The following MAGI2 variants were observed in gnomAD, a reference collection of about 807,000 sequenced individuals.
The protein encoded by MAGI2 is membrane-associated guanylate kinase, WW and PDZ domain-containing protein 2.
A neutral mutation model predicts 133.3 loss-of-function variants in MAGI2; 35 were observed. That is an observed-to-expected ratio of 0.26 (90% CI 0.20 to 0.35). The LOEUF is 0.35. Among genes scored for constraint, MAGI2 ranks in the 10% least tolerant of loss-of-function variants. The probability of loss-of-function intolerance (pLI) is 1.00; values close to 1 mark genes in which losing one functional copy is unlikely to be tolerated. For synonymous variants in MAGI2, 729 were observed against 710.6 expected, an observed-to-expected ratio of 1.03 and a Z score of -0.41; for missense variants, 1,636 against 1,863.4, an observed-to-expected ratio of 0.88 and a Z score of 2.25.
chr7:78,808,392 G>T (rs918019921), intron 2 of MAGI2, among the ~76,000 whole-genome samples: 18 of 152,068 alleles, frequency 1.2e-4, no homozygotes, highest in African/African-American at 4.3e-4. Context: ...AAGTAGCTGG[G>T]ACTACAGGTG....
intron 1 of MAGI2, among the ~76,000 whole-genome samples, chr7:79,378,926 G>GTGTATATATATATATATA (rs1158436636): frequency 1.1e-5 from 1 of 94,602 alleles, no homozygotes; most frequent in African/African-American, 3.6e-5. Context: ...ATGTGTGTGT[G>GTGTATATATATATATATA]TATATATATA....
chr7:78,259,151 G>C (rs555001784), intron 9 of MAGI2, among the ~76,000 whole-genome samples: 1 of 152,202 alleles, frequency 6.6e-6, no homozygotes, highest in Non-Finnish European at 1.5e-5. Context: ...TGGCCTTTTG[G>C]ATTTTCTCTT....
At chr7:78,223,047 C>T (rs1788989124) in intron 10 of MAGI2, among the ~76,000 whole-genome samples, 1 of 152,160 alleles carries the variant, frequency 6.6e-6, no homozygotes, top group African/African-American at 2.4e-5. Flanking sequence ...GTCAATATTT[C>T]TGTGGATCAT....
intron 1 of MAGI2, among the ~76,000 whole-genome samples, chr7:79,359,143 A>G (rs1842210544): frequency 6.6e-6 from 1 of 152,338 alleles, no homozygotes; most frequent in African/African-American, 2.4e-5. Flanking sequence ...AAAATCTCCA[A>G]GAAAGTTGTA....
intron 2 of MAGI2, among the ~76,000 whole-genome samples, chr7:78,811,488 A>T (rs1380466184): frequency 6.6e-6 from 1 of 152,036 alleles, no homozygotes; most frequent in Non-Finnish European, 1.5e-5. Flanking sequence ...AATGAATATG[A>T]ATATACATTT....
At chr7:78,175,946 G>T (rs753412776) in intron 14 of MAGI2, among the ~76,000 whole-genome samples, 1 of 152,230 alleles carries the variant, frequency 6.6e-6, no homozygotes, top group East Asian at 1.9e-4. Flanking sequence ...AGGTCAGGAG[G>T]TTCTGTAGCA....
chr7:79,180,632 A>T (rs1047963664), intron 1 of MAGI2, among the ~76,000 whole-genome samples: 2 of 151,936 alleles, frequency 1.3e-5, no homozygotes, highest in Non-Finnish European at 2.9e-5. Context: ...ATTCTGCCCC[A>T]GCGCCTCCCA....
intron 16 of MAGI2, among the ~76,000 whole-genome samples, chr7:78,136,449 G>A (rs1001806695): frequency 2.1e-4 from 32 of 152,112 alleles, no homozygotes; most frequent in Non-Finnish European, 1.0e-4. Context: ...ATTTATATGT[G>A]TGAGGAGAGC....
chr7:78,538,721 A>G (rs748723435), intron 3 of MAGI2, among the ~76,000 whole-genome samples: 2 of 152,190 alleles, frequency 1.3e-5, no homozygotes, highest in African/African-American at 4.8e-5. Flanking sequence ...GAATTCATTT[A>G]TCAGATCTAG....
In MAGI2 at chr7:78,019,339, G is replaced by A; in HGVS notation, c.4344C>T (p.Pro1448=). The A allele has an allele frequency of 6.5e-7, 1 of 1,537,988 alleles. No homozygotes were observed. Among genetic ancestry groups the A allele is most frequent in the Non-Finnish European group, 8.7e-7 (1 of 1,151,876 alleles). The change falls in exon 22 of 22, where the codon CCC becomes CCT. Residue 1448 remains proline, a synonymous_variant. Coordinates refer to ENST00000354212, the MANE Select transcript of MAGI2 (RefSeq NM_012301.4). ...GSDKLPSVLK[P]GASAASR ...CTCATCTGCTGGCGGCCGAGGCGCC[G>A]GGTTTGAGGACGCTGGGCAGCTTGT...
intron 1 of MAGI2, among the ~76,000 whole-genome samples, chr7:79,076,184 C>T (rs1815447499): frequency 6.6e-6 from 1 of 152,174 alleles, no homozygotes; most frequent in Non-Finnish European, 1.5e-5. Flanking sequence ...TAAAAGCCAT[C>T]TCAAATCACT....
chr7:78,831,718 A>C (rs2151443195), intron 2 of MAGI2, among the ~76,000 whole-genome samples: 1 of 152,298 alleles, frequency 6.6e-6, no homozygotes, highest in Non-Finnish European at 1.5e-5. Context: ...TAAAACATTC[A>C]CTTCTTTTAT....
intron 1 of MAGI2, among the ~76,000 whole-genome samples, chr7:79,276,919 G>A (rs982364576): frequency 6.6e-6 from 1 of 151,928 alleles, no homozygotes; most frequent in African/African-American, 2.4e-5. Context: ...AGCTGGGATT[G>A]CACACTGCAC....
chr7:78,987,322 G>T (rs772642713), intron 2 of MAGI2, among the ~76,000 whole-genome samples: 3 of 152,028 alleles, frequency 2.0e-5, no homozygotes, highest in Non-Finnish European at 4.4e-5. Context: ...AAGAGCATCT[G>T]CTTATAATGA....
At chr7:78,630,280 A>G (rs1395909517) in intron 2 of MAGI2, among the ~76,000 whole-genome samples, 1 of 151,838 alleles carries the variant, frequency 6.6e-6, no homozygotes, top group African/African-American at 2.4e-5. Flanking sequence ...TACTGCACAT[A>G]CCACTTCCTG....
chr7:78,639,069 T>G (rs1809989895), intron 2 of MAGI2, among the ~76,000 whole-genome samples: 1 of 152,170 alleles, frequency 6.6e-6, no homozygotes, highest in African/African-American at 2.4e-5. Flanking sequence ...GACACACTAC[T>G]CAGTGACCTT....
intron 1 of MAGI2, among the ~76,000 whole-genome samples, chr7:79,239,971 T>C (rs1248299421): frequency 1.3e-5 from 2 of 152,194 alleles, no homozygotes; most frequent in Admixed American, 1.3e-4. Context: ...GCGTTTTAAA[T>C]GTCTTCCCTC....
intron 1 of MAGI2, among the ~76,000 whole-genome samples, chr7:79,029,546 A>T (rs1218176485): frequency 1.3e-5 from 2 of 152,136 alleles, no homozygotes; most frequent in Non-Finnish European, 2.9e-5. Flanking sequence ...TCTGTTTTGC[A>T]AGTGAGAGAG....
In MAGI2 at chr7:78,437,529, AT is replaced by A. The variant is rs1800416274; in HGVS notation, c.1045+52231del. 2.0e-5 allele frequency among the ~76,000 whole-genome samples: 3 copies of A among 152,154 alleles called. No homozygotes were observed. In the South Asian group the frequency reaches 6.2e-4, roughly 31 times the overall value. ...TCACATGCAGGAAATGGGCCTTGGT[AT>A]TTCATTCACCTTTTCATTCAGCCTC... On this transcript the variant is annotated intron_variant, in intron 6 of 21. Transcript: ENST00000354212.
Sources: gnomAD v4.1 joint callset for allele counts (sites outside exome capture counted in the v4.1 genomes callset) on GRCh38, gnomAD v4.1.1 for gene constraint, MANE v1.5 for transcripts, NCBI Gene and HGNC (gene_info 2026-07-23, HGNC 2026-07-21) for gene names.